ZNF318: variants seen among roughly 807,000 people sequenced by gnomAD.
The protein encoded by ZNF318 is zinc finger protein 318.
In ZNF318, 51 loss-of-function variants were observed where a neutral mutation model predicts 124.2. That is an observed-to-expected ratio of 0.41 (90% CI 0.33 to 0.52). The LOEUF (loss-of-function observed/expected upper bound fraction) is 0.52. ZNF318 is among the 20% of genes least tolerant of loss of function. The pLI, the probability that ZNF318 is intolerant of heterozygous loss-of-function variation, is 0.23. For synonymous variants in ZNF318, 1,090 were observed against 1,040.7 expected, an observed-to-expected ratio of 1.05 and a Z score of -0.91; for missense variants, 2,815 against 2,811.2, an observed-to-expected ratio of 1.00 and a Z score of -0.03.
At chr6:43,349,178 C>T in intron 5 of ZNF318, among the ~76,000 whole-genome samples, 2 of 152,138 alleles carry the variant, frequency 1.3e-5, no homozygotes, top group Non-Finnish European at 2.9e-5. Context: ...GGACAGGCTT[C>T]AGGGGCTCCA....
intron 5 of ZNF318, among the ~76,000 whole-genome samples, chr6:43,351,507 T>C (rs543111553): frequency 1.2e-4 from 18 of 152,282 alleles, no homozygotes; most frequent in Middle Eastern, 3.4e-3. Flanking sequence ...ATGCCTGTAA[T>C]CTCAGCACTC....
intron 2 of ZNF318, among the ~76,000 whole-genome samples, chr6:43,359,945 GGTCT>G (rs1404894255): frequency 6.6e-6 from 1 of 152,036 alleles, no homozygotes; most frequent in Non-Finnish European, 1.5e-5. Context: ...TTTCTCTATA[GGTCT>G]GTCAGCCATA....
Position 43,354,663 on chromosome 6 carries a change from C to A in ZNF318, c.2670+1G>T. The A allele has an allele frequency of 1.3e-6, 2 of 1,593,872 alleles. No homozygotes were observed. Among genetic ancestry groups the A allele is most frequent in the Non-Finnish European group, 8.6e-7 (1 of 1,167,942 alleles). On this transcript the variant is annotated splice_donor_variant, in intron 4 of 9. Coordinates refer to ENST00000361428, the MANE Select transcript of ZNF318 (RefSeq NM_014345.3). LOFTEE classifies it high-confidence loss of function. ...ACAGGATACCCAAAGCTAATATTCA[C>A]CTTTTGCTTCTGGGAAGCACGGTTC...
At chr6:43,359,407 G>C (rs1283788421) in intron 2 of ZNF318, among the ~76,000 whole-genome samples, 2 of 152,152 alleles carry the variant, frequency 1.3e-5, no homozygotes, top group Admixed American at 1.3e-4. Context: ...CTATGGCTAT[G>C]ACACAAAACT....
Position 43,338,328 on chromosome 6 carries a change from T to G in ZNF318, c.5670A>C (p.Pro1890=). The G allele has an allele frequency of 1.9e-6, 3 of 1,614,196 alleles. No homozygotes were observed. The highest frequency in any genetic ancestry group is 2.5e-6 in the Non-Finnish European group (3 of 1,180,026). The stretch of plus-strand genomic sequence containing the variant: ...TGGCTGGGGAATGAAGCAGCAACTC[T>G]GGGGCAGAAATTTTCACAGGTGTAT... ...PQDTPVKISA[P]ELLLHSPARS... The change falls in exon 10 of 10, where the codon CCA becomes CCC. Residue 1890 remains proline, a synonymous_variant. Coordinates refer to ENST00000361428, the MANE Select transcript of ZNF318 (RefSeq NM_014345.3).
rs1219616522 is a variant in ZNF318, at chr6:43,369,014, A to G, written c.352T>C (p.Tyr118His). The change falls in exon 1 of 10, where the codon TAT becomes CAT. Residue 118 changes from tyrosine (Y) to histidine (H), a missense_variant. Physicochemically the swap from Tyr to His is moderately conservative, Grantham distance 83. This residue lies in a region of ZNF318 where 1,377 missense variants were observed against 1,353.5 expected (regional missense o/e 1.02). Transcript: ENST00000361428. ...TGGTCTCCGCGGCCGTCCCGGGCAT[A>G]GTCGGCGCGGGACTCCCCCCGGCTG... ...GSSRGESRAD[Y>H]ARDGRGDHPG... The G allele has an allele frequency of 7.0e-7, 1 of 1,435,762 alleles. No homozygotes were observed. The highest frequency in any genetic ancestry group is 1.3e-5 in the South Asian group (1 of 74,416). The allele number at this position is 1,435,762 out of a possible 1,614,324, so 88.9% of individuals were successfully genotyped here. A position where few individuals can be genotyped will look rare whatever the true frequency, so the allele number is the denominator to read the frequency against.
intron 1 of ZNF318, among the ~76,000 whole-genome samples, chr6:43,366,166 T>C (rs986700152): frequency 2.6e-5 from 4 of 152,184 alleles, no homozygotes; most frequent in African/African-American, 9.7e-5. Flanking sequence ...GCCTGAAGAA[T>C]GAGGTGTCAG....
At chr6:43,345,704 A>G (rs933979339) in intron 6 of ZNF318, among the ~76,000 whole-genome samples, 3 of 152,252 alleles carry the variant, frequency 2.0e-5, no homozygotes, top group South Asian at 2.1e-4. Context: ...AGCTTGGGTG[A>G]TAACACAGAA....
In ZNF318 at chr6:43,338,008, G is replaced by A; in HGVS notation, c.5990C>T (p.Ala1997Val). The A allele has an allele frequency of 6.2e-7, 1 of 1,614,086 alleles. No individual in the cohort carries two copies. Among genetic ancestry groups the A allele is most frequent in the African/African-American group, 1.3e-5 (1 of 75,000 alleles). Residue 1997 changes from alanine to valine, a missense_variant, in exon 10 of 10, where the codon GCC (alanine) becomes GTC (valine). By Grantham distance (64) the Ala-to-Val change is moderately conservative. Transcript: ENST00000361428. The stretch of plus-strand genomic sequence containing the variant: ...GTCTGTAGCTTCAAAGTCTTCTAGG[G>A]CCTTGCTTTCTATTGTCACTGTTAA... ...PELTVTIESK[A>V]LEDFEATDLK...
intron 5 of ZNF318, among the ~76,000 whole-genome samples, chr6:43,349,971 C>T (rs1311066435): frequency 6.6e-6 from 1 of 151,976 alleles, no homozygotes; most frequent in Non-Finnish European, 1.5e-5. Context: ...AAAAAAAGGC[C>T]GGGTGGGGTG....
In ZNF318 at chr6:43,340,014, A is replaced by T. The variant is rs1275868834; in HGVS notation, c.3984T>A (p.Thr1328=). The T allele has an allele frequency of 1.9e-6, 3 of 1,614,122 alleles. No homozygotes were observed. The highest frequency in any genetic ancestry group is 2.5e-6 in the Non-Finnish European group (3 of 1,180,056). Residue 1328 remains threonine (T), a synonymous_variant, in exon 10 of 10, where the codon ACT becomes ACA. Coordinates refer to ENST00000361428, the MANE Select transcript of ZNF318 (RefSeq NM_014345.3). ...TCCAAGGGCTGGTATGTGCAACAACAGTTTTCCCAGAGAGCTTGATTTTGA... is the reference window on the plus strand; with the variant it reads ...TCCAAGGGCTGGTATGTGCAACAACTGTTTTCCCAGAGAGCTTGATTTTGA... ...KPIKIKLSGK[T]VVAHTSPWMP...
In ZNF318 at chr6:43,339,692, A is replaced by C. The variant is rs773878155; in HGVS notation, c.4306T>G (p.Leu1436Val). ...GGAGGTGGTAGTATTTGTTCAGGTA[A>C]ATGAGATGGCTCACTCTTTTCAGCC... ...VLAEKSEPSH[L>V]PEQILPPPPP... is the part of the protein sequence containing the mutation. The change falls in exon 10 of 10, where the codon TTA becomes GTA. Residue 1436 changes from leucine to valine, a missense_variant. Coordinates refer to ENST00000361428, the MANE Select transcript of ZNF318 (RefSeq NM_014345.3). The surrounding 1 kb of genome is among the most constrained non-coding windows in gnomAD (Gnocchi z 4.2). 6.2e-7 allele frequency: 1 copy of C among 1,613,634 alleles called. No homozygotes were observed. Among genetic ancestry groups the C allele is most frequent in the Non-Finnish European group, 8.5e-7 (1 of 1,179,968 alleles).
At chr6:43,363,520 T>G in intron 2 of ZNF318, 5 of 213,820 alleles carry the variant, frequency 2.3e-5, no homozygotes, top group Non-Finnish European at 3.7e-5. Context: ...GTGGCTTCCA[T>G]GGAGGGGCTG....
chr6:43,344,576 T>G (rs1221853994), intron 6 of ZNF318, among the ~76,000 whole-genome samples: 1 of 152,208 alleles, frequency 6.6e-6, no homozygotes, highest in African/African-American at 2.4e-5. Context: ...GAATATCACT[T>G]TATCCAAAAT....
chr6:43,352,177 T>TCACCACCACCAC lies in ZNF318; in HGVS notation c.2770+199_2770+200insGTGGTGGTGGTG, dbSNP rs1491380269. 8.9e-4 allele frequency among the ~76,000 whole-genome samples: 135 copies of TCACCACCACCAC among 150,884 alleles called. 1 individual carries two copies. Among genetic ancestry groups the TCACCACCACCAC allele is most frequent in the South Asian group, 1.7e-3 (8 of 4,790 alleles). On this transcript the variant is annotated intron_variant, in intron 5 of 9. Coordinates refer to ENST00000361428, the MANE Select transcript of ZNF318 (RefSeq NM_014345.3). Reference sequence around the variant, plus strand: ...ATCATCATCATCATCATCATCATCATCATCATCACCACCACCATCATCTGG... The same window carrying TCACCACCACCAC: ...ATCATCATCATCATCATCATCATCATCACCACCACCACCATCATCACCACCACCATCATCTGG...
At position 43,369,351 on chromosome 6, in the gene ZNF318, G is replaced by A; in HGVS notation, c.15C>T (p.Ser5=). 1 of 1,326,394 alleles carries A rather than the reference G, an allele frequency of 7.5e-7. No homozygotes were observed. Among genetic ancestry groups the A allele is most frequent in the Non-Finnish European group, 9.7e-7 (1 of 1,031,234 alleles). The allele number at this position is 1,326,394 out of a possible 1,614,324, so 82.2% of individuals were successfully genotyped here. Residue 5 remains serine, a synonymous_variant, in exon 1 of 10, where the codon AGC becomes AGT. Coordinates refer to ENST00000361428, the MANE Select transcript of ZNF318 (RefSeq NM_014345.3). ...GGTGGGAAGAGACGGAGGAGCGAGC[G>A]CTGCTGCGGTACATGGTTCTTGCAG... MYRS[S]ARSSVSSHRP... is the part of the protein sequence containing the mutation.
Position 43,355,620 on chromosome 6 carries a change from A to G in ZNF318, c.1714T>C (p.Ser572Pro). The change falls in exon 4 of 10, where the codon TCT (serine) becomes CCT (proline). Residue 572 changes from serine (S) to proline (P), a missense_variant. Physicochemically the swap from Ser to Pro is moderately conservative, Grantham distance 74. Transcript: ENST00000361428. ...VMRQKASSLP[S>P]SAPAVKLESL... ...TCTAGCTTTACAGCTGGAGCTGAAG[A>G]CGGCAGGGAGCTTGCCTTCTGCCTC... 1 of 1,614,212 alleles carries G rather than the reference A, an allele frequency of 6.2e-7. No individual in the cohort carries two copies. Among genetic ancestry groups the G allele is most frequent in the Non-Finnish European group, 8.5e-7 (1 of 1,180,040 alleles).
chr6:43,345,342 A>G (rs111873699), intron 6 of ZNF318, among the ~76,000 whole-genome samples: 139 of 152,312 alleles, frequency 9.1e-4, no homozygotes, highest in African/African-American at 3.3e-3. Flanking sequence ...AAGGGAAAGA[A>G]AATCTCAAAC....
intron 2 of ZNF318, among the ~76,000 whole-genome samples, chr6:43,359,003 T>C (rs1375530809): frequency 6.6e-6 from 1 of 152,212 alleles, no homozygotes; most frequent in Non-Finnish European, 1.5e-5. Context: ...TTTAAGTCTG[T>C]ATATTAAGGT....
Sources: gnomAD v4.1 joint callset for allele counts (sites outside exome capture counted in the v4.1 genomes callset) on GRCh38, gnomAD v4.1.1 for gene constraint, gnomAD v4.1.1 regional missense constraint, Gnocchi (gnomAD v3.1) non-coding constraint, MANE v1.5 for transcripts, NCBI Gene and HGNC (gene_info 2026-07-23, HGNC 2026-07-21) for gene names.